The following JAM3 variants were observed in gnomAD, a reference collection of about 807,000 sequenced individuals.
The protein encoded by JAM3 is junctional adhesion molecule C.
JAM3 carries 31 observed loss-of-function variants against 39.4 expected under a neutral mutation model. The observed-to-expected ratio is 0.79, with a 90% CI of 0.59 to 1.06. The LOEUF is 1.06. JAM3 is among the 50% of genes least tolerant of loss of function. The pLI, the probability that JAM3 is intolerant of heterozygous loss-of-function variation, is 0.00. For missense variants in JAM3, 455 were observed against 391.4 expected, an observed-to-expected ratio of 1.16 and a Z score of -1.37; for synonymous variants, 182 against 148.7, an observed-to-expected ratio of 1.22 and a Z score of -1.63.
intron 1 of JAM3, among the ~76,000 whole-genome samples, chr11:134,109,037 A>G (rs1275822550): frequency 2.0e-5 from 3 of 151,914 alleles, no homozygotes; most frequent in Non-Finnish European, 4.4e-5. Context: ...GCTCACTGCA[A>G]CCTCCACCTC....
At chr11:134,107,645 T>C (rs540795506) in intron 1 of JAM3, among the ~76,000 whole-genome samples, 74 of 152,224 alleles carry the variant, frequency 4.9e-4, no homozygotes, top group African/African-American at 1.6e-3. Flanking sequence ...TGAGTTCATC[T>C]ACTTTATGAA....
At chr11:134,091,629 C>CAA (rs5795871) in intron 1 of JAM3, among the ~76,000 whole-genome samples, 326 of 147,216 alleles carry the variant, frequency 2.2e-3, no homozygotes, top group African/African-American at 4.6e-3. Flanking sequence ...AACCCCGTGT[C>CAA]AAAAAAAAAA....
At chr11:134,106,674 T>C (rs1310199911) in intron 1 of JAM3, among the ~76,000 whole-genome samples, 2 of 152,168 alleles carry the variant, frequency 1.3e-5, no homozygotes, top group Admixed American at 6.5e-5. Context: ...GGGCAAAGAA[T>C]ATGAACAGAC....
In JAM3 at chr11:134,151,559, A is replaced by G. The variant is rs1026039161; in HGVS notation, c.*2378A>G. 6 of 152,224 alleles carry G rather than the reference A, an allele frequency of 3.9e-5. No homozygotes were observed. Among genetic ancestry groups the G allele is most frequent in the African/African-American group, 1.2e-4 (5 of 41,452 alleles). The allele number at this position is 152,224 out of a possible 1,614,324, so 9.4% of individuals were successfully genotyped here. On this transcript the variant is annotated 3_prime_UTR_variant, in exon 9 of 9. Coordinates refer to ENST00000299106, the MANE Select transcript of JAM3 (RefSeq NM_032801.5). Reference sequence around the variant, plus strand: ...AGTAGAGTCTGGGAAGTAGCTGCCTATAACTGAGACTAGACGGAAAAGGAA... The same window carrying G: ...AGTAGAGTCTGGGAAGTAGCTGCCTGTAACTGAGACTAGACGGAAAAGGAA...
At chr11:134,146,308 T>A (rs765351565) in intron 6 of JAM3, among the ~76,000 whole-genome samples, 2 of 152,264 alleles carry the variant, frequency 1.3e-5, no homozygotes, top group African/African-American at 2.4e-5. Flanking sequence ...CACTGCAAGT[T>A]TAGTAAACTC....
intron 1 of JAM3, among the ~76,000 whole-genome samples, chr11:134,105,371 T>C (rs560385107): frequency 3.3e-4 from 51 of 152,276 alleles, no homozygotes; most frequent in African/African-American, 1.1e-3. Flanking sequence ...ATAAGAGTTA[T>C]TTATGACAAA....
chr11:134,095,172 G>A (rs1437654612), intron 1 of JAM3, among the ~76,000 whole-genome samples: 1 of 152,226 alleles, frequency 6.6e-6, no homozygotes, highest in Non-Finnish European at 1.5e-5. Flanking sequence ...AAGTAAACCA[G>A]CATTGTTTCC....
intron 1 of JAM3, among the ~76,000 whole-genome samples, chr11:134,122,835 T>C (rs570416860): frequency 6.6e-6 from 1 of 152,350 alleles, no homozygotes; most frequent in South Asian, 2.1e-4. Context: ...CATTCTCTGA[T>C]ACTAGACAGA....
chr11:134,129,425 G>A (rs1305363504), intron 1 of JAM3, among the ~76,000 whole-genome samples: 3 of 152,066 alleles, frequency 2.0e-5, no homozygotes, highest in East Asian at 1.9e-4. Context: ...CTCTTTTCAA[G>A]TTCTTATAAG....
chr11:134,101,504 C>T (rs748284982), intron 1 of JAM3, among the ~76,000 whole-genome samples: 14 of 152,198 alleles, frequency 9.2e-5, no homozygotes, highest in Non-Finnish European at 2.1e-4. Context: ...GGAATCTAAG[C>T]ATGTCTCCAG....
chr11:134,106,433 A>C (rs1462461490), intron 1 of JAM3, among the ~76,000 whole-genome samples: 1 of 152,204 alleles, frequency 6.6e-6, no homozygotes, highest in Non-Finnish European at 1.5e-5. Flanking sequence ...GGACATAGGC[A>C]TGGGCAAGGA....
At chr11:134,148,049 G>C (rs1200639451) in intron 6 of JAM3, 1 of 196,562 alleles carries the variant, frequency 5.1e-6, no homozygotes, top group African/African-American at 2.4e-5. Flanking sequence ...GCAGCCGGCA[G>C]AGACAAAGCT....
intron 1 of JAM3, among the ~76,000 whole-genome samples, chr11:134,106,476 C>T (rs567373438): frequency 4.9e-4 from 74 of 152,298 alleles, no homozygotes; most frequent in African/African-American, 1.6e-3. Flanking sequence ...GCAATGGCAA[C>T]AAAAGCCAAA....
intron 1 of JAM3, among the ~76,000 whole-genome samples, chr11:134,139,342 C>T (rs1942930512): frequency 6.6e-6 from 1 of 152,214 alleles, no homozygotes; most frequent in African/African-American, 2.4e-5. Flanking sequence ...CACCGGGTTG[C>T]TCATACAGCG....
At chr11:134,112,458 C>T (rs755859471) in intron 1 of JAM3, among the ~76,000 whole-genome samples, 2 of 152,130 alleles carry the variant, frequency 1.3e-5, no homozygotes, top group Non-Finnish European at 2.9e-5. Context: ...GTCACTCTAT[C>T]TAAATGAAAC....
rs1199406991 is a variant in JAM3 at position 134,138,183 on chromosome 11, A to C, written c.77-1668A>C. 5.2e-4 allele frequency among the ~76,000 whole-genome samples: 65 copies of C among 125,372 alleles called. 2 individuals carry two copies. Among genetic ancestry groups the C allele is most frequent in the African/African-American group, 2.1e-3 (59 of 27,738 alleles). The allele number at this position is 125,372 out of a possible 152,430, so 82.2% of individuals were successfully genotyped here. ...AGAGCCAGTGGTGGCGTCTCGTCGA[A>C]GTCGTGGTGCTCATACTGAGAGAAA... is the stretch of plus-strand genomic sequence containing the variant. On this transcript the variant is annotated intron_variant, in intron 1 of 8. Coordinates refer to ENST00000299106, the MANE Select transcript of JAM3 (RefSeq NM_032801.5).
At chr11:134,069,575 C>G (rs1941454668) in intron 1 of JAM3, among the ~76,000 whole-genome samples, 2 of 150,824 alleles carry the variant, frequency 1.3e-5, no homozygotes, top group Admixed American at 1.3e-4. Context: ...TGGGCTCCTC[C>G]CAGGCGGGGT....
rs977674764 is a variant in JAM3, at chr11:134,151,666, G to A, written c.*2485G>A. 3.3e-5 allele frequency: 5 copies of A among 152,176 alleles called. No homozygotes were observed. The highest frequency in any genetic ancestry group is 9.7e-5 in the African/African-American group (4 of 41,424). 9.4% of individuals were successfully genotyped at this position (152,176 alleles called of 1,614,324 possible). ...GTGATTCTGCCTTTGGATGGATGTT[G>A]CTGTACACAGATGCTACAGACTTGT... On this transcript the variant is annotated 3_prime_UTR_variant, in exon 9 of 9. Transcript: ENST00000299106.
intron 3 of JAM3, among the ~76,000 whole-genome samples, chr11:134,141,363 A>G (rs1591806347): frequency 6.6e-6 from 1 of 152,048 alleles, no homozygotes; most frequent in Non-Finnish European, 1.5e-5. Flanking sequence ...AATGCTGTGT[A>G]TGAAGACGCA....
Sources: allele counts gnomAD v4.1 joint callset (sites outside exome capture counted in the v4.1 genomes callset), GRCh38; gene constraint gnomAD v4.1.1; transcripts MANE v1.5; gene names NCBI Gene and HGNC (gene_info 2026-07-23, HGNC 2026-07-21).